Variants in DIAPH2 observed in about 807,000 individuals in gnomAD.
DIAPH2 encodes the protein diaphanous related formin 2.
DIAPH2 carries 35 observed loss-of-function variants against 92.7 expected under a neutral mutation model. The ratio of observed to expected loss-of-function variants is 0.38; its 90% CI spans 0.29 to 0.50. The LOEUF is 0.50. Among genes scored for constraint, DIAPH2 ranks in the 20% least tolerant of loss-of-function variants. DIAPH2 has a pLI of 0.94. For missense variants in DIAPH2, 701 were observed against 819.5 expected (o/e 0.86, Z 1.77); for synonymous variants, 301 against 280.4 (o/e 1.07, Z -0.73).
intron 26 of DIAPH2, among the ~76,000 whole-genome samples, chrX:97,500,627 C>T (rs1164698127): frequency 2.8e-5 from 3 of 107,999 alleles, no homozygotes; most frequent in African/African-American, 3.4e-5. Context: ...TCTGCTTTTG[C>T]GTAGAACATT....
At chrX:97,021,201 T>G (rs745510712) in intron 17 of DIAPH2, among the ~76,000 whole-genome samples, 1 of 111,310 alleles carries the variant, frequency 9.0e-6, no homozygotes, top group African/African-American at 3.3e-5. Flanking sequence ...AGAAAGACTT[T>G]TTTTTTTCCT....
chrX:97,515,196 G>A (rs1270140182), intron 26 of DIAPH2, among the ~76,000 whole-genome samples: 1 of 112,448 alleles, frequency 8.9e-6, no homozygotes, highest in Non-Finnish European at 1.9e-5. Context: ...AGCCAGGTGC[G>A]GGATATAATC....
chrX:97,314,280 C>T (rs1486110495), intron 23 of DIAPH2, among the ~76,000 whole-genome samples: 1 of 107,717 alleles, frequency 9.3e-6, no homozygotes, highest in African/African-American at 3.4e-5. Context: ...GGTGTGGTGG[C>T]GCACACCTGT....
chrX:96,985,744 T>A (rs186046844), intron 17 of DIAPH2, among the ~76,000 whole-genome samples: 4 of 111,276 alleles, frequency 3.6e-5, no homozygotes, highest in African/African-American at 1.3e-4. Context: ...TGTTTTTATA[T>A]CTTCCTTGAG....
At position 97,452,612 on chromosome X, in the gene DIAPH2, G is replaced by A. The variant is rs761324614; in HGVS notation, c.3241+22867G>A. ...ACTGTGAAAAGGAATTGTACCACATGAAGAGATACACTTATAGAATTACAA... is the reference window on the plus strand; with the variant it reads ...ACTGTGAAAAGGAATTGTACCACATAAAGAGATACACTTATAGAATTACAA... On this transcript the variant is annotated intron_variant, in intron 26 of 26. Transcript: ENST00000324765. 4.5e-5 allele frequency among the ~76,000 whole-genome samples: 5 copies of A among 112,041 alleles called. No homozygotes were observed. The South Asian group carries it at 1.8e-3, about 41-fold the overall frequency.
At chrX:97,069,501 A>G (rs1261832526) in intron 17 of DIAPH2, among the ~76,000 whole-genome samples, 1 of 111,470 alleles carries the variant, frequency 9.0e-6, no homozygotes, top group Non-Finnish European at 1.9e-5. Context: ...AAAATTATAA[A>G]TGTTAGGTAC....
At chrX:97,328,380 A>G (rs1310221228) in intron 23 of DIAPH2, among the ~76,000 whole-genome samples, 1 of 111,723 alleles carries the variant, frequency 9.0e-6, no homozygotes, top group African/African-American at 3.3e-5. Flanking sequence ...GGTTGCAGTG[A>G]GCTGAGATTG....
intron 26 of DIAPH2, among the ~76,000 whole-genome samples, chrX:97,493,239 TATTTATTTATTTATTC>T (rs1026356638): frequency 1.6e-4 from 18 of 109,235 alleles, no homozygotes; most frequent in African/African-American, 4.9e-4. Context: ...TTTATTTATT[TATTTATTTATTTATTC>T]ATTTATTTAT....
At position 97,364,718 on chromosome X, in the gene DIAPH2, G is replaced by A. The variant is rs188840186; in HGVS notation, c.3009+16438G>A. Among the ~76,000 whole-genome samples the A allele has an allele frequency of 5.5e-3, 592 of 108,158 alleles. 2 individuals are homozygous for A. The highest frequency in any genetic ancestry group is 0.019 in the African/African-American group (559 of 29,604). The allele number at this position is 108,158 out of a possible 115,157, so 93.9% of individuals were successfully genotyped here. A position where few individuals can be genotyped will look rare whatever the true frequency, so the allele number is the denominator to read the frequency against. On this transcript the variant is annotated intron_variant, in intron 24 of 26. Coordinates refer to ENST00000324765, the MANE Select transcript of DIAPH2 (RefSeq NM_006729.5). ...AATAATCCTTTGTCATAATAAAGGCGGGATTTCTTGGTTTGATTTTCAGTA... is the reference window on the plus strand; with the variant it reads ...AATAATCCTTTGTCATAATAAAGGCAGGATTTCTTGGTTTGATTTTCAGTA...
At chrX:96,887,492 A>G (rs1006153757) in intron 5 of DIAPH2, among the ~76,000 whole-genome samples, 1 of 111,017 alleles carries the variant, frequency 9.0e-6, no homozygotes, top group Non-Finnish European at 1.9e-5. Flanking sequence ...AATCCACCCA[A>G]GGTTTTTTCC....
chrX:96,977,964 G>T (rs372397202), intron 17 of DIAPH2, among the ~76,000 whole-genome samples: 1 of 112,156 alleles, frequency 8.9e-6, no homozygotes, highest in South Asian at 3.7e-4. Context: ...GATTACAGGC[G>T]TGAGCCACCG....
intron 17 of DIAPH2, among the ~76,000 whole-genome samples, chrX:97,007,807 C>T (rs375545135): frequency 8.2e-4 from 77 of 94,082 alleles, no homozygotes; most frequent in Admixed American, 1.4e-3. Flanking sequence ...CTGTCACCCA[C>T]GCTGGAGTGC....
chrX:97,032,589 A>T (rs189158587), intron 17 of DIAPH2, among the ~76,000 whole-genome samples: 2 of 109,271 alleles, frequency 1.8e-5, no homozygotes, highest in Non-Finnish European at 3.8e-5. Flanking sequence ...CTAATTTTTA[A>T]GCTCTTGGGG....
At chrX:97,553,955 T>C (rs2071239481) in intron 26 of DIAPH2, among the ~76,000 whole-genome samples, 2 of 111,947 alleles carry the variant, frequency 1.8e-5, no homozygotes, top group Non-Finnish European at 3.8e-5. Context: ...AGACATACAC[T>C]AGTACATGTG....
chrX:97,051,542 C>T (rs1280875530), intron 17 of DIAPH2, among the ~76,000 whole-genome samples: 1 of 104,459 alleles, frequency 9.6e-6, no homozygotes, highest in East Asian at 3.0e-4. Context: ...ATTGGCCACT[C>T]ACCTCAAGCA....
At chrX:96,884,748 T>C in intron 5 of DIAPH2, 1 of 1,210,331 alleles carries the variant, frequency 8.3e-7, no homozygotes, top group South Asian at 1.8e-5. Flanking sequence ...TGAAAATTCA[T>C]GTCCTAGAGG....
At chrX:97,043,654 G>T (rs1351306478) in intron 17 of DIAPH2, among the ~76,000 whole-genome samples, 1 of 110,872 alleles carries the variant, frequency 9.0e-6, no homozygotes, top group Non-Finnish European at 1.9e-5. Flanking sequence ...AAGGCTGCAT[G>T]TAAGTACACT....
intron 22 of DIAPH2, among the ~76,000 whole-genome samples, chrX:97,224,165 G>C (rs1672920313): frequency 8.9e-6 from 1 of 111,919 alleles, no homozygotes; most frequent in Admixed American, 9.5e-5. Flanking sequence ...AATTGCCAGA[G>C]TTTAGTCAGT....
At chrX:96,984,242 A>G (rs2066016451) in intron 17 of DIAPH2, among the ~76,000 whole-genome samples, 1 of 111,598 alleles carries the variant, frequency 9.0e-6, no homozygotes, top group African/African-American at 3.3e-5. Flanking sequence ...CCCCTAGACT[A>G]GGAGTAAGAA....
Sources: gnomAD v4.1 joint callset for allele counts (sites outside exome capture counted in the v4.1 genomes callset) on GRCh38, gnomAD v4.1.1 for gene constraint, MANE v1.5 for transcripts, NCBI Gene and HGNC (gene_info 2026-07-23, HGNC 2026-07-21) for gene names.